ERH: variants seen among roughly 807,000 people sequenced by gnomAD.
ERH encodes ERH mRNA splicing and mitosis factor, also known as enhancer of rudimentary homolog.
ERH carries 1 observed loss-of-function variant against 16.8 expected under a neutral mutation model. That is an observed-to-expected ratio of 0.06 (90% CI 0.02 to 0.28). The LOEUF is 0.28. Among genes scored for constraint, ERH ranks in the 10% least tolerant of loss-of-function variants. The probability of loss-of-function intolerance (pLI) is 1.00; values close to 1 mark genes in which losing one functional copy is unlikely to be tolerated. For synonymous variants in ERH, 43 were observed against 43.6 expected (o/e 0.99, Z 0.05); for missense variants, 42 against 127.5 (o/e 0.33, Z 3.23).
In ERH at chr14:69,388,163, G is replaced by C. The variant is rs540911682; in HGVS notation, c.92-1080C>G. 1.8e-3 allele frequency among the ~76,000 whole-genome samples: 277 copies of C among 152,248 alleles called. 1 individual carries two copies. Among genetic ancestry groups the C allele is most frequent in the Middle Eastern group, 0.01 (3 of 294 alleles). On this transcript the variant is annotated intron_variant, in intron 2 of 3. Coordinates refer to ENST00000557016, the MANE Select transcript of ERH (RefSeq NM_004450.3). ...TTCCCTGAACCACACCTGTCAAACA[G>C]AGTTAAGAGTGCCTCTTCATAGAAT...
intron 3 of ERH, among the ~76,000 whole-genome samples, chr14:69,382,794 G>GAA (rs57755714): frequency 1.2e-3 from 146 of 120,082 alleles, no homozygotes; most frequent in African/African-American, 2.1e-3. Context: ...ATCTCCAAAA[G>GAA]AAAAAAAAAA....
intron 2 of ERH, among the ~76,000 whole-genome samples, chr14:69,389,683 CA>C (rs2045913434): frequency 6.6e-6 from 1 of 152,168 alleles, no homozygotes; most frequent in East Asian, 1.9e-4. Flanking sequence ...CCATTTATAA[CA>C]GCGTAAAAAA....
intron 3 of ERH, among the ~76,000 whole-genome samples, chr14:69,382,608 C>T (rs1420260576): frequency 1.3e-5 from 2 of 151,178 alleles, no homozygotes; most frequent in Non-Finnish European, 2.9e-5. Flanking sequence ...CTGAGGCAGG[C>T]GGGCCACAAT....
chr14:69,395,659 C>A (rs71423358), intron 1 of ERH, among the ~76,000 whole-genome samples: 8,479 of 152,138 alleles, frequency 0.056, 326 homozygotes, highest in East Asian at 0.093. Context: ...CCAACCTCAG[C>A]GTAAGAGCAA....
At chr14:69,387,695 C>CAAAAAAAAAAAAAAAAAAA (rs57516317) in intron 2 of ERH, among the ~76,000 whole-genome samples, 1 of 113,400 alleles carries the variant, frequency 8.8e-6, no homozygotes. Flanking sequence ...AGCCACAGAG[C>CAAAAAAAAAAAAAAAAAAA]AAAAAAAAAA....
chr14:69,383,948 G>A (rs542880532), intron 3 of ERH, among the ~76,000 whole-genome samples: 11 of 152,234 alleles, frequency 7.2e-5, no homozygotes, highest in Admixed American at 4.6e-4. Flanking sequence ...AGGAGTTTGA[G>A]ACCAGCCTGG....
intron 2 of ERH, among the ~76,000 whole-genome samples, chr14:69,393,315 C>CA (rs1303266833): frequency 6.6e-6 from 1 of 151,802 alleles, no homozygotes; most frequent in South Asian, 2.1e-4. Flanking sequence ...GACTCTGTCT[C>CA]AAAAAACAAA....
chr14:69,398,133 CGCT>C, intron 1 of ERH, 95 bp downstream of exon 1: 6 of 1,377,672 alleles, frequency 4.4e-6, no homozygotes, highest in Non-Finnish European at 6.0e-6. Context: ...CATCACGCGG[CGCT>C]GCATGGGGCT....
At chr14:69,397,904 T>C in intron 1 of ERH, 2 of 500,752 alleles carry the variant, frequency 4.0e-6, no homozygotes, top group East Asian at 7.4e-5. Context: ...GGCGATAGAG[T>C]GAGACTCTCT....
chr14:69,385,786 CCA>C (rs1001928565), intron 3 of ERH, among the ~76,000 whole-genome samples: 3 of 152,140 alleles, frequency 2.0e-5, no homozygotes, highest in Non-Finnish European at 2.9e-5. Flanking sequence ...CCAAAGACTT[CCA>C]CAGTGTCAAA....
At chr14:69,398,036 G>T in intron 1 of ERH, 195 bp downstream of exon 1, 1 of 704,086 alleles carries the variant, frequency 1.4e-6, no homozygotes, top group Non-Finnish European at 2.4e-6. Context: ...CAACCGCAGG[G>T]CGGACCGGGG....
intron 1 of ERH, among the ~76,000 whole-genome samples, chr14:69,396,209 G>A (rs2140235175): frequency 6.6e-6 from 1 of 152,264 alleles, no homozygotes; most frequent in Admixed American, 6.5e-5. Context: ...GTATTTTTCA[G>A]CCAAAAACCA....
intron 3 of ERH, among the ~76,000 whole-genome samples, chr14:69,383,317 G>A (rs1246972338): frequency 6.6e-6 from 1 of 152,072 alleles, no homozygotes; most frequent in African/African-American, 2.4e-5. Flanking sequence ...TTCCACCTAC[G>A]CTGTTTAAAA....
rs1397550951 is a variant in ERH, at chr14:69,398,290, T to G, written c.-57A>C. ...CGACACCGCCGCCGTTACACGAGCTTAACTACAACGCCGCTAACAGCCAAT... is the reference window on the plus strand; with the variant it reads ...CGACACCGCCGCCGTTACACGAGCTGAACTACAACGCCGCTAACAGCCAAT... On this transcript the variant is annotated 5_prime_UTR_variant, in exon 1 of 4. Coordinates refer to ENST00000557016, the MANE Select transcript of ERH (RefSeq NM_004450.3). 1 of 1,612,844 alleles carries G rather than the reference T, an allele frequency of 6.2e-7. No homozygotes were observed. The highest frequency in any genetic ancestry group is 1.3e-5 in the African/African-American group (1 of 74,866).
Position 69,380,245 on chromosome 14 carries a change from T to G in ERH, c.*293A>C. On this transcript the variant is annotated 3_prime_UTR_variant, in exon 4 of 4. Coordinates refer to ENST00000557016, the MANE Select transcript of ERH (RefSeq NM_004450.3). ...GGGTTAGTATGTGAATGTTATAAAG[T>G]AGATATGAACAGTTGAAGGACTGGA... 3.8e-6 allele frequency: 1 copy of G among 265,362 alleles called. No homozygotes were observed. The highest frequency in any genetic ancestry group is 7.0e-6 in the Non-Finnish European group (1 of 142,430). 16.4% of individuals were successfully genotyped at this position (265,362 alleles called of 1,614,324 possible). A position where few individuals can be genotyped will look rare whatever the true frequency, so the allele number is the denominator to read the frequency against.
At chr14:69,386,941 A>G in intron 3 of ERH, 22 bp downstream of exon 3, 1 of 1,610,384 alleles carries the variant, frequency 6.2e-7, no homozygotes, top group East Asian at 2.2e-5. Flanking sequence ...ACAAGATAAA[A>G]GACATGTTGG....
intron 2 of ERH, among the ~76,000 whole-genome samples, chr14:69,389,679 A>T (rs1280297191): frequency 6.6e-6 from 1 of 152,258 alleles, no homozygotes; most frequent in Non-Finnish European, 1.5e-5. Flanking sequence ...AACTCCATTT[A>T]TAACAGCGTA....
At chr14:69,386,206 G>GCAGC (rs1250613124) in intron 3 of ERH, among the ~76,000 whole-genome samples, 1 of 152,216 alleles carries the variant, frequency 6.6e-6, no homozygotes, top group Non-Finnish European at 1.5e-5. Flanking sequence ...ACAGCATGGT[G>GCAGC]CAGCCACATT....
intron 2 of ERH, among the ~76,000 whole-genome samples, chr14:69,390,244 C>CGGCCAGGCGCGGTGGCTCACGCCTGT (rs2045916453): frequency 1.3e-5 from 2 of 152,100 alleles, no homozygotes; most frequent in African/African-American, 4.8e-5. Context: ...GCAGGAGACC[C>CGGCCAGGCGCGGTGGCTCACGCCTGT]AAGACAGCCA....
Sources: gnomAD v4.1 joint callset for allele counts (sites outside exome capture counted in the v4.1 genomes callset) on GRCh38, gnomAD v4.1.1 for gene constraint, MANE v1.5 for transcripts, NCBI Gene and HGNC (gene_info 2026-07-23, HGNC 2026-07-21) for gene names.